Variants in RAPGEF1 observed in about 807,000 individuals in gnomAD.
The protein encoded by RAPGEF1 is Rap guanine nucleotide exchange factor 1, also known as CRK SH3-binding GNRP.
Under a neutral mutation model 143.3 loss-of-function variants are expected in RAPGEF1, and 33 were observed. The observed-to-expected ratio is 0.23, with a 90% confidence interval of 0.17 to 0.31. The LOEUF (loss-of-function observed/expected upper bound fraction) is 0.31. RAPGEF1 is among the 10% of genes least tolerant of loss of function. RAPGEF1 has a pLI of 1.00. For missense variants in RAPGEF1, 1,199 were observed against 1,645.4 expected, an observed-to-expected ratio of 0.73 and a Z score of 4.69; for synonymous variants, 629 against 676.5, an observed-to-expected ratio of 0.93 and a Z score of 1.09.
intron 18 of RAPGEF1, 60 bp downstream of exon 18, chr9:131,592,039 G>T: frequency 1.5e-6 from 2 of 1,337,508 alleles, no homozygotes; most frequent in South Asian, 2.4e-5. Flanking sequence ...GGGCAAGAGG[G>T]TCCCTCTCTC....
In RAPGEF1 at chr9:131,650,086, T is replaced by C; in HGVS notation, c.315+43A>G. On this transcript the variant is annotated intron_variant, in intron 3 of 26. Coordinates refer to ENST00000683357, the MANE Select transcript of RAPGEF1 (RefSeq NM_001377935.1). This position sits in a 1 kb window ranked among gnomAD's most constrained non-coding sequence, Gnocchi z 4.7. ...AAAACCATGGACCAGGATTCTGCAGTAGAAGGCAAGGCAAACCCAATTGTT... is the reference window on the plus strand; with the variant it reads ...AAAACCATGGACCAGGATTCTGCAGCAGAAGGCAAGGCAAACCCAATTGTT... The C allele has an allele frequency of 1.3e-6, 2 of 1,498,106 alleles. No individual in the cohort carries two copies. Among genetic ancestry groups the C allele is most frequent in the South Asian group, 1.2e-5 (1 of 85,254 alleles). 92.8% of individuals were successfully genotyped at this position (1,498,106 alleles called of 1,614,324 possible). A position where few individuals can be genotyped will look rare whatever the true frequency, so the allele number is the denominator to read the frequency against.
rs1294083834 is a variant in RAPGEF1 at position 131,580,256 on chromosome 9, C to T, written c.3641+7G>A. The T allele has an allele frequency of 1.9e-6, 3 of 1,613,654 alleles. No individual in the cohort carries two copies. Among genetic ancestry groups the T allele is most frequent in the Non-Finnish European group, 1.7e-6 (2 of 1,179,764 alleles). On this transcript the variant is annotated splice_region_variant and intron_variant, in intron 26 of 26. Transcript: ENST00000683357. ...CTGCCTGGTCCCCCCGGGGCAGTGG[C>T]ACTCACGCCTGCTGGAAGCAGCGCA...
chr9:131,608,838 A>C (rs1265626968), intron 12 of RAPGEF1, among the ~76,000 whole-genome samples: 1 of 152,124 alleles, frequency 6.6e-6, no homozygotes, highest in Non-Finnish European at 1.5e-5. Flanking sequence ...GATTCCCCAG[A>C]GCAATACTTC....
chr9:131,704,608 T>C (rs1224308875), intron 1 of RAPGEF1, among the ~76,000 whole-genome samples: 1 of 152,186 alleles, frequency 6.6e-6, no homozygotes. Flanking sequence ...GCTGGGATTT[T>C]TGAAGGAGAT....
At chr9:131,663,278 C>A (rs1770962510) in intron 1 of RAPGEF1, among the ~76,000 whole-genome samples, 1 of 152,162 alleles carries the variant, frequency 6.6e-6, no homozygotes, top group South Asian at 2.1e-4. Context: ...TTCATCAAAG[C>A]AACTGAAAGT....
At chr9:131,624,933 G>A (rs971960727) in intron 10 of RAPGEF1, among the ~76,000 whole-genome samples, 1 of 152,254 alleles carries the variant, frequency 6.6e-6, no homozygotes, top group Non-Finnish European at 1.5e-5. Flanking sequence ...CGCAGCCGCC[G>A]CCTTCTGTGG....
chr9:131,702,794 G>A (rs933255125), intron 1 of RAPGEF1, among the ~76,000 whole-genome samples: 5 of 152,048 alleles, frequency 3.3e-5, no homozygotes, highest in South Asian at 2.1e-4. Flanking sequence ...AAATAATTTC[G>A]ATATTCAACA....
chr9:131,713,637 GTAGTT>G lies in RAPGEF1; in HGVS notation c.61+26128_61+26132del, dbSNP rs545099490. On this transcript the variant is annotated intron_variant, in intron 1 of 26. Transcript: ENST00000683357. ...TACCATTATGCTGTCTACTTCATGG[GTAGTT>G]TAAAGGTTAAATAAGAATTCAGACT... Among the ~76,000 whole-genome samples the G allele has an allele frequency of 2.5e-4, 38 of 152,212 alleles. 1 individual carries two copies. In the South Asian group the frequency reaches 7.5e-3, roughly 30 times the overall value.
At chr9:131,612,992 C>T (rs1462388783) in intron 12 of RAPGEF1, among the ~76,000 whole-genome samples, 1 of 152,214 alleles carries the variant, frequency 6.6e-6, no homozygotes, top group African/African-American at 2.4e-5. Context: ...ACAGCCCATC[C>T]CCTCTCCTCA....
At chr9:131,664,004 A>G (rs1588887763) in intron 1 of RAPGEF1, among the ~76,000 whole-genome samples, 1 of 152,066 alleles carries the variant, frequency 6.6e-6, no homozygotes, top group Non-Finnish European at 1.5e-5. Flanking sequence ...ATAGGCCCCC[A>G]CCCTTTACTT....
intron 22 of RAPGEF1, among the ~76,000 whole-genome samples, chr9:131,587,158 A>ACACC (rs1953218787): frequency 7.9e-6 from 1 of 126,130 alleles, no homozygotes; most frequent in African/African-American, 3.3e-5. Context: ...ACACACACAC[A>ACACC]CCTGCAGAGC....
At chr9:131,652,874 A>G (rs924328271) in intron 1 of RAPGEF1, among the ~76,000 whole-genome samples, 14 of 152,228 alleles carry the variant, frequency 9.2e-5, no homozygotes, top group African/African-American at 3.4e-4. Context: ...GTACATAACC[A>G]TATGTGCTAT....
intron 5 of RAPGEF1, among the ~76,000 whole-genome samples, chr9:131,632,871 C>G (rs1965311877): frequency 6.6e-6 from 1 of 152,138 alleles, no homozygotes. Context: ...ACATATATTA[C>G]TTCTGAAATA....
At chr9:131,696,643 C>T (rs1046067023) in intron 1 of RAPGEF1, among the ~76,000 whole-genome samples, 1 of 152,172 alleles carries the variant, frequency 6.6e-6, no homozygotes, top group Admixed American at 6.5e-5. Flanking sequence ...ATTATAGTGG[C>T]AAGCACTAAG....
intron 1 of RAPGEF1, among the ~76,000 whole-genome samples, chr9:131,721,044 C>T (rs533609400): frequency 1.3e-5 from 2 of 152,186 alleles, no homozygotes; most frequent in South Asian, 4.1e-4. Context: ...TGGAACATGC[C>T]AAGTAGCAGA....
At chr9:131,637,713 G>C (rs1024130450) in intron 5 of RAPGEF1, among the ~76,000 whole-genome samples, 1 of 152,174 alleles carries the variant, frequency 6.6e-6, no homozygotes, top group African/African-American at 2.4e-5. Flanking sequence ...TGACTGCTCC[G>C]TATGTGCCAG....
At chr9:131,693,078 C>G (rs977472882) in intron 1 of RAPGEF1, among the ~76,000 whole-genome samples, 5 of 152,130 alleles carry the variant, frequency 3.3e-5, no homozygotes, top group Non-Finnish European at 5.9e-5. Flanking sequence ...TGCACTGTAT[C>G]CTCTCAAAAA....
chr9:131,696,232 G>T (rs932935269), intron 1 of RAPGEF1, among the ~76,000 whole-genome samples: 2 of 152,186 alleles, frequency 1.3e-5, no homozygotes, highest in African/African-American at 4.8e-5. Context: ...GAGAGGGAGG[G>T]GATGACACCT....
chr9:131,720,260 C>T (rs1836168585), intron 1 of RAPGEF1, among the ~76,000 whole-genome samples: 1 of 152,232 alleles, frequency 6.6e-6, no homozygotes, highest in Non-Finnish European at 1.5e-5. Flanking sequence ...GGATTAAATA[C>T]ACATAGCACA....
Sources: allele counts gnomAD v4.1 joint callset (sites outside exome capture counted in the v4.1 genomes callset), GRCh38; gene constraint gnomAD v4.1.1; non-coding constraint Gnocchi (gnomAD v3.1); transcripts MANE v1.5; gene names NCBI Gene and HGNC (gene_info 2026-07-23, HGNC 2026-07-21).